SLC26A5: variants seen among roughly 807,000 people sequenced by gnomAD.
SLC26A5 encodes solute carrier family 26 member 5, also known as prestin.
SLC26A5 carries 51 observed loss-of-function variants against 81.0 expected under a neutral mutation model. The ratio of observed to expected loss-of-function variants is 0.63; its 90% confidence interval spans 0.50 to 0.80. The LOEUF is 0.80. Among genes scored for constraint, SLC26A5 ranks in the 30% least tolerant of loss-of-function variants. The pLI, the probability that SLC26A5 is intolerant of heterozygous loss-of-function variation, is 0.00. For missense variants in SLC26A5, 771 were observed against 905.8 expected, an observed-to-expected ratio of 0.85 and a Z score of 1.91; for synonymous variants, 325 against 332.8, an observed-to-expected ratio of 0.98 and a Z score of 0.25.
At chr7:103,388,328 CT>C (rs1437979546) in intron 14 of SLC26A5, among the ~76,000 whole-genome samples, 4 of 151,494 alleles carry the variant, frequency 2.6e-5, no homozygotes, top group African/African-American at 9.7e-5. Flanking sequence ...TCCCAAGTAG[CT>C]GGGATTACAG....
At chr7:103,381,261 T>C (rs1285763461) in intron 14 of SLC26A5, among the ~76,000 whole-genome samples, 1 of 150,422 alleles carries the variant, frequency 6.6e-6, no homozygotes, top group Non-Finnish European at 1.5e-5. Context: ...ATACAATGTA[T>C]ACACACCCAC....
intron 2 of SLC26A5, among the ~76,000 whole-genome samples, chr7:103,424,248 T>G (rs1478543051): frequency 6.6e-6 from 1 of 152,196 alleles, no homozygotes; most frequent in Non-Finnish European, 1.5e-5. Flanking sequence ...CTGTGAGGTC[T>G]CCCCTCACTT....
chr7:103,359,253 C>G (rs1032136141), intron 19 of SLC26A5, among the ~76,000 whole-genome samples: 2 of 147,810 alleles, frequency 1.4e-5, no homozygotes, highest in South Asian at 4.3e-4. Context: ...CCACCTTGGC[C>G]TCCCAAAGTT....
At chr7:103,420,258 A>G (rs1240678939) in intron 4 of SLC26A5, among the ~76,000 whole-genome samples, 2 of 150,982 alleles carry the variant, frequency 1.3e-5, no homozygotes, top group African/African-American at 4.9e-5. Flanking sequence ...CAAAGTAGTA[A>G]CACCATTTTC....
intron 11 of SLC26A5, among the ~76,000 whole-genome samples, chr7:103,391,216 T>C (rs115177138): frequency 2.0e-4 from 30 of 152,354 alleles, no homozygotes; most frequent in African/African-American, 7.2e-4. Flanking sequence ...ACTAACCACA[T>C]TTCAAGTGCT....
At chr7:103,390,791 C>T (rs1822578101) in intron 11 of SLC26A5, among the ~76,000 whole-genome samples, 1 of 151,766 alleles carries the variant, frequency 6.6e-6, no homozygotes, top group African/African-American at 2.4e-5. Flanking sequence ...CTGAGACCTA[C>T]AAGGGCCACC....
At chr7:103,360,117 C>T (rs1216010310) in intron 19 of SLC26A5, among the ~76,000 whole-genome samples, 1 of 151,818 alleles carries the variant, frequency 6.6e-6, no homozygotes, top group African/African-American at 2.4e-5. Flanking sequence ...ACACCAACAT[C>T]TAGGCTTCTT....
intron 5 of SLC26A5, among the ~76,000 whole-genome samples, chr7:103,412,615 T>A (rs1824591129): frequency 6.7e-6 from 1 of 149,132 alleles, no homozygotes; most frequent in Non-Finnish European, 1.5e-5. Context: ...AGTGGTGTGA[T>A]CTCAGCTCAC....
In SLC26A5 at chr7:103,437,944, A is replaced by G. The variant is rs141077197; in HGVS notation, c.-54+5139T>C. Reference sequence around the variant, plus strand: ...TGGTTTCCAACATTTAAAAATTGAGAAAGTTTTTATTAAAATGTAGTTTCA... The same window carrying G: ...TGGTTTCCAACATTTAAAAATTGAGGAAGTTTTTATTAAAATGTAGTTTCA... On this transcript the variant is annotated intron_variant, in intron 2 of 19. Coordinates refer to ENST00000306312, the MANE Select transcript of SLC26A5 (RefSeq NM_198999.3). Among the ~76,000 whole-genome samples the G allele has an allele frequency of 6.8e-4, 104 of 152,332 alleles. 3 individuals carry two copies. In the East Asian group the frequency reaches 0.019, roughly 28 times the overall value.
At chr7:103,431,490 T>C (rs1826080549) in intron 2 of SLC26A5, among the ~76,000 whole-genome samples, 1 of 152,154 alleles carries the variant, frequency 6.6e-6, no homozygotes, top group Non-Finnish European at 1.5e-5. Context: ...AGCTGGCTAA[T>C]TTTTAAATTT....
At chr7:103,435,836 G>T (rs1464425532) in intron 2 of SLC26A5, among the ~76,000 whole-genome samples, 2 of 152,134 alleles carry the variant, frequency 1.3e-5, no homozygotes, top group East Asian at 3.8e-4. Context: ...ATTATCTTCA[G>T]AGTTCTTCCC....
rs572439180 is a variant in SLC26A5 at position 103,397,734 on chromosome 7, G to A, written c.971+198C>T. Among the ~76,000 whole-genome samples the A allele has an allele frequency of 6.1e-5, 9 of 148,240 alleles. No homozygotes were observed. In the East Asian group the frequency reaches 1.8e-3, roughly 29 times the overall value. On this transcript the variant is annotated intron_variant, in intron 9 of 19. Transcript: ENST00000306312. ...TTCGTCTCAAAAAAAAAAAAAAAAG[G>A]TTAAGACAAAAATTTGTTATGTGTT...
intron 19 of SLC26A5, 79 bp downstream of exon 19, chr7:103,376,729 C>A: frequency 1.0e-6 from 1 of 979,472 alleles, no homozygotes; most frequent in Non-Finnish European, 1.6e-6. Context: ...AAATTAAGGA[C>A]ATTTCCAAGT....
intron 11 of SLC26A5, among the ~76,000 whole-genome samples, chr7:103,391,059 T>C (rs1822606869): frequency 6.6e-6 from 1 of 152,042 alleles, no homozygotes; most frequent in Admixed American, 6.6e-5. Context: ...AGAGACAGGG[T>C]TCACCAGGTT....
At chr7:103,359,273 C>T (rs1214261286) in intron 19 of SLC26A5, among the ~76,000 whole-genome samples, 3 of 147,282 alleles carry the variant, frequency 2.0e-5, no homozygotes, top group African/African-American at 7.5e-5. Context: ...TCTGGGATTA[C>T]AGGTGTGAGC....
chr7:103,366,808 T>C (rs1374851999), intron 19 of SLC26A5, among the ~76,000 whole-genome samples: 1 of 148,868 alleles, frequency 6.7e-6, no homozygotes, highest in South Asian at 2.1e-4. Flanking sequence ...AAATCTAGAC[T>C]TTTTTTTTTG....
chr7:103,411,555 AC>A lies in SLC26A5; in HGVS notation c.434del (p.Gly145ValfsTer3). ...CTGGTACTAATCGAACAGCTACACC[AC>A]CAATCATCAGGCTAATAACAGCAAA... ...GPFAVISLMI[G>X]GVAVRLVPDD... On this transcript the variant is annotated frameshift_variant, in exon 6 of 20. Transcript: ENST00000306312. LOFTEE classifies it high-confidence loss of function. The A allele has an allele frequency of 1.9e-6, 3 of 1,614,164 alleles. No homozygotes were observed. Among genetic ancestry groups the A allele is most frequent in the Non-Finnish European group, 2.5e-6 (3 of 1,180,026 alleles).
chr7:103,401,306 A>G (rs1454099561), intron 8 of SLC26A5, among the ~76,000 whole-genome samples: 3 of 152,036 alleles, frequency 2.0e-5, no homozygotes, highest in African/African-American at 7.2e-5. Flanking sequence ...AGTTGTATTC[A>G]TAGACATTTT....
chr7:103,364,128 G>C (rs141423831), intron 19 of SLC26A5: 1 of 1,609,396 alleles, frequency 6.2e-7, no homozygotes, highest in African/African-American at 1.3e-5. Flanking sequence ...TGTGAAAATT[G>C]TGTCTCTATC....
Sources: allele counts gnomAD v4.1 joint callset (sites outside exome capture counted in the v4.1 genomes callset), GRCh38; gene constraint gnomAD v4.1.1; transcripts MANE v1.5; gene names NCBI Gene and HGNC (gene_info 2026-07-23, HGNC 2026-07-21).